KLHL29: variants seen among roughly 807,000 people sequenced by gnomAD.
KLHL29 encodes the protein kelch-like protein 29.
A neutral mutation model predicts 80.4 loss-of-function variants in KLHL29; 21 were observed. That is an observed-to-expected ratio of 0.26 (90% CI 0.19 to 0.38). The LOEUF is 0.38. KLHL29 is among the 10% of genes least tolerant of loss of function. The pLI is 1.00. For synonymous variants in KLHL29, 511 were observed against 526.8 expected, an observed-to-expected ratio of 0.97 and a Z score of 0.41; for missense variants, 867 against 1,223.9, an observed-to-expected ratio of 0.71 and a Z score of 4.35.
chr2:23,494,866 G>A (rs957069650), intron 2 of KLHL29, among the ~76,000 whole-genome samples: 6 of 152,058 alleles, frequency 3.9e-5, no homozygotes, highest in Non-Finnish European at 7.3e-5. Flanking sequence ...CGTATCTGTC[G>A]TGCAGCTCAC....
intron 1 of KLHL29, among the ~76,000 whole-genome samples, chr2:23,441,193 A>T (rs1663507022): frequency 6.6e-6 from 1 of 152,078 alleles, no homozygotes; most frequent in African/African-American, 2.4e-5. Flanking sequence ...CATGGATGAA[A>T]TTGGAAATCA....
At chr2:23,639,910 A>G (rs1303061027) in intron 4 of KLHL29, among the ~76,000 whole-genome samples, 1 of 152,138 alleles carries the variant, frequency 6.6e-6, no homozygotes, top group African/African-American at 2.4e-5. Flanking sequence ...CCCACAGCCC[A>G]TAGATTCCAG....
At chr2:23,401,522 G>A (rs577523764) in intron 1 of KLHL29, among the ~76,000 whole-genome samples, 13 of 152,310 alleles carry the variant, frequency 8.5e-5, no homozygotes, top group Admixed American at 4.6e-4. Context: ...TACAGGAGCC[G>A]AGGGCTATGT....
intron 3 of KLHL29, among the ~76,000 whole-genome samples, chr2:23,574,375 C>T (rs1463797247): frequency 2.0e-5 from 3 of 152,092 alleles, no homozygotes; most frequent in Non-Finnish European, 2.9e-5. Context: ...GGTGGAACGC[C>T]GAAGCTCTCT....
rs371356772 is a variant in KLHL29, at chr2:23,502,796, A to G, written c.-46+27129A>G. On this transcript the variant is annotated intron_variant, in intron 2 of 13. Coordinates refer to ENST00000486442, the MANE Select transcript of KLHL29 (RefSeq NM_052920.2). ...TGTGGGGTTCCCAACCGCACCCTGC[A>G]TCTGTCTCTCCAAGCACCACGGACA... 1.8e-4 allele frequency among the ~76,000 whole-genome samples: 27 copies of G among 152,196 alleles called. No homozygotes were observed. The South Asian group carries it at 2.5e-3, about 14-fold the overall frequency.
chr2:23,606,139 A>AGTGT (rs752777554), intron 3 of KLHL29, among the ~76,000 whole-genome samples: 3,651 of 146,908 alleles, frequency 0.025, 56 homozygotes, highest in Non-Finnish European at 0.04. Flanking sequence ...TCCGTGAGCT[A>AGTGT]GTGTGTGTGT....
At chr2:23,477,760 C>T (rs1484285892) in intron 2 of KLHL29, among the ~76,000 whole-genome samples, 2 of 152,200 alleles carry the variant, frequency 1.3e-5, no homozygotes, top group African/African-American at 4.8e-5. Context: ...CCATGGCATC[C>T]CCGCTCCTAC....
At chr2:23,501,210 G>T (rs113992564) in intron 2 of KLHL29, among the ~76,000 whole-genome samples, 32 of 152,188 alleles carry the variant, frequency 2.1e-4, no homozygotes, top group African/African-American at 6.0e-4. Flanking sequence ...ACGTCGGGCA[G>T]ATTCCCTTCC....
intron 1 of KLHL29, among the ~76,000 whole-genome samples, chr2:23,440,978 G>A (rs1166703286): frequency 6.6e-6 from 1 of 152,034 alleles, no homozygotes; most frequent in African/African-American, 2.4e-5. Context: ...CCCATTACTG[G>A]GTATATACCC....
At chr2:23,606,637 T>G (rs975155890) in intron 3 of KLHL29, among the ~76,000 whole-genome samples, 1 of 152,160 alleles carries the variant, frequency 6.6e-6, no homozygotes. Flanking sequence ...TTGATGGGAG[T>G]TGGTTTTATC....
At chr2:23,453,796 T>G (rs1228819020) in intron 1 of KLHL29, among the ~76,000 whole-genome samples, 1 of 152,154 alleles carries the variant, frequency 6.6e-6, no homozygotes, top group Non-Finnish European at 1.5e-5. Context: ...CTTGGTATTT[T>G]GTTTTGTATT....
chr2:23,555,436 G>A (rs1322920508), intron 2 of KLHL29, among the ~76,000 whole-genome samples: 2 of 152,212 alleles, frequency 1.3e-5, no homozygotes, highest in Non-Finnish European at 2.9e-5. Flanking sequence ...GGGAACAGAA[G>A]GAGCCCCTGG....
chr2:23,554,192 T>G (rs544117072), intron 2 of KLHL29, among the ~76,000 whole-genome samples: 1 of 152,364 alleles, frequency 6.6e-6, no homozygotes, highest in Admixed American at 6.5e-5. Context: ...CCCAGAGAGT[T>G]CCTTTGTGTT....
rs1287304858 is a variant in KLHL29 at position 23,681,541 on chromosome 2, G to A, written c.941-2858G>A. Among the ~76,000 whole-genome samples, 1 of 152,168 alleles carries A rather than the reference G, an allele frequency of 6.6e-6. No homozygotes were observed. Among genetic ancestry groups the A allele is most frequent in the Non-Finnish European group, 1.5e-5 (1 of 68,016 alleles). ...ATTTGTGTGCTGTTGTGTTTTCCAG[G>A]CCCCTAAGCACTGATTAACTCAGCA... On this transcript the variant is annotated intron_variant, in intron 5 of 13. Transcript: ENST00000486442. The surrounding 1 kb of genome is among the most constrained non-coding windows in gnomAD (Gnocchi z 4.2).
chr2:23,643,212 C>T (rs3731615), intron 5 of KLHL29: 44,746 of 427,556 alleles, frequency 0.1, 5,246 homozygotes, highest in East Asian at 0.48. Context: ...CCACTCCTCT[C>T]AGGGCACCGC....
chr2:23,550,617 A>C (rs1667099965), intron 2 of KLHL29, among the ~76,000 whole-genome samples: 1 of 152,214 alleles, frequency 6.6e-6, no homozygotes, highest in Admixed American at 6.5e-5. Context: ...CACAGGCAGT[A>C]TGATCTGCCG....
intron 8 of KLHL29, among the ~76,000 whole-genome samples, chr2:23,693,869 C>T (rs1671776539): frequency 6.6e-6 from 1 of 152,112 alleles, no homozygotes; most frequent in South Asian, 2.1e-4. Context: ...ATGGACAGCC[C>T]GCAATGGACC....
chr2:23,441,073 C>G (rs1663503342), intron 1 of KLHL29, among the ~76,000 whole-genome samples: 1 of 152,074 alleles, frequency 6.6e-6, no homozygotes, highest in Non-Finnish European at 1.5e-5. Flanking sequence ...AGACTTGGAA[C>G]CAACCCACAT....
intron 2 of KLHL29, among the ~76,000 whole-genome samples, chr2:23,484,671 G>T (rs933086600): frequency 2.0e-5 from 3 of 152,220 alleles, no homozygotes; most frequent in Non-Finnish European, 4.4e-5. Flanking sequence ...TCTCAGAACA[G>T]TGTGATTATT....
Sources: allele counts gnomAD v4.1 joint callset (sites outside exome capture counted in the v4.1 genomes callset), GRCh38; gene constraint gnomAD v4.1.1; non-coding constraint Gnocchi (gnomAD v3.1); transcripts MANE v1.5; gene names NCBI Gene and HGNC (gene_info 2026-07-23, HGNC 2026-07-21).